Variants in TEN1 observed in about 807,000 individuals in gnomAD.
TEN1 encodes CST complex subunit TEN1.
TEN1 carries 6 observed loss-of-function variants against 9.3 expected under a neutral mutation model. The ratio of observed to expected loss-of-function variants is 0.65; its 90% CI spans 0.35 to 1.27. The LOEUF is 1.27. Ranked by LOEUF, TEN1 falls within the 50% of genes most tolerant of loss-of-function variation. The pLI, the probability that TEN1 is intolerant of heterozygous loss-of-function variation, is 0.03. For synonymous variants in TEN1, 65 were observed against 65.6 expected (o/e 0.99, Z 0.04); for missense variants, 149 against 158.2 (o/e 0.94, Z 0.31).
chr17:75,983,440 C>G (rs1020237166), intron 1 of TEN1, among the ~76,000 whole-genome samples: 1 of 152,162 alleles, frequency 6.6e-6, no homozygotes, highest in Admixed American at 6.5e-5. Flanking sequence ...CCTTTAGTCC[C>G]CTCATGTTAG....
At chr17:75,990,438 G>A (rs1239071029) in intron 2 of TEN1, among the ~76,000 whole-genome samples, 1 of 151,288 alleles carries the variant, frequency 6.6e-6, no homozygotes, top group African/African-American at 2.4e-5. Context: ...TACAAGCTAA[G>A]ACTGAAATGT....
At chr17:75,981,719 C>G (rs1270533796) in intron 1 of TEN1, among the ~76,000 whole-genome samples, 1 of 152,004 alleles carries the variant, frequency 6.6e-6, no homozygotes, top group East Asian at 1.9e-4. Flanking sequence ...TCATTTACCC[C>G]CAAAGCCAGC....
At chr17:75,993,936 T>A (rs968423816) in intron 3 of TEN1, among the ~76,000 whole-genome samples, 2 of 145,700 alleles carry the variant, frequency 1.4e-5, no homozygotes, top group Admixed American at 6.9e-5. Flanking sequence ...GCGGAGGAGG[T>A]TGCAGTGAGC....
intron 3 of TEN1, among the ~76,000 whole-genome samples, chr17:75,993,190 G>A (rs2066197606): frequency 6.8e-6 from 1 of 146,622 alleles, no homozygotes; most frequent in South Asian, 2.2e-4. Flanking sequence ...TGCAACCTCC[G>A]CCTCCCGGGT....
intron 3 of TEN1, among the ~76,000 whole-genome samples, chr17:75,994,652 A>G (rs986501879): frequency 5.3e-5 from 8 of 151,482 alleles, no homozygotes; most frequent in African/African-American, 1.9e-4. Context: ...TAAGTTTTGT[A>G]TTTTTAGTAG....
At chr17:75,993,368 GT>G (rs1470461157) in intron 3 of TEN1, among the ~76,000 whole-genome samples, 3 of 152,094 alleles carry the variant, frequency 2.0e-5, no homozygotes, top group Non-Finnish European at 1.5e-5. Flanking sequence ...CTCCCAAAGT[GT>G]TGGGATTACA....
At chr17:75,990,530 C>T (rs1320441561) in intron 2 of TEN1, among the ~76,000 whole-genome samples, 1 of 148,282 alleles carries the variant, frequency 6.7e-6, no homozygotes, top group Non-Finnish European at 1.5e-5. Context: ...GCATTTGTAG[C>T]CCATATTGAA....
chr17:75,979,294 G>A lies in TEN1; in HGVS notation c.-224G>A. 1.5e-6 allele frequency: 1 copy of A among 654,814 alleles called. No individual in the cohort carries two copies. Among genetic ancestry groups the A allele is most frequent in the Non-Finnish European group, 2.7e-6 (1 of 376,638 alleles). 40.6% of individuals were successfully genotyped at this position (654,814 alleles called of 1,614,324 possible). A position where few individuals can be genotyped will look rare whatever the true frequency, so the allele number is the denominator to read the frequency against. ...ACAGAGGGGGCGATGTCCGCGTCGT[G>A]GCTGGGGCCGGTCGCGGGGCAGACT... On this transcript the variant is annotated 5_prime_UTR_variant, in exon 1 of 4. The change creates a premature stop within an existing upstream ORF in the 5' untranslated region. Transcript: ENST00000397640.
chr17:75,981,826 G>A (rs773066607), intron 1 of TEN1, among the ~76,000 whole-genome samples: 2 of 152,018 alleles, frequency 1.3e-5, no homozygotes, highest in Non-Finnish European at 2.9e-5. Context: ...TCAGGAGATC[G>A]AGACCATCCT....
At chr17:75,992,264 T>A (rs2066190759) in intron 3 of TEN1, among the ~76,000 whole-genome samples, 1 of 151,860 alleles carries the variant, frequency 6.6e-6, no homozygotes, top group Non-Finnish European at 1.5e-5. Context: ...AAGATCTCTC[T>A]CTGTTACCCA....
intron 3 of TEN1, among the ~76,000 whole-genome samples, chr17:75,996,041 T>C (rs1042221245): frequency 2.6e-5 from 4 of 151,810 alleles, no homozygotes; most frequent in Admixed American, 6.6e-5. Flanking sequence ...CAGTGAGCTA[T>C]GATCATGCCA....
chr17:75,983,477 C>T (rs1399239448), intron 1 of TEN1, among the ~76,000 whole-genome samples: 1 of 152,106 alleles, frequency 6.6e-6, no homozygotes, highest in Non-Finnish European at 1.5e-5. Flanking sequence ...TACACTAGCC[C>T]TTCATAATTG....
At chr17:75,996,728 GAGAGAAAGAA>G (rs1253055837) in intron 3 of TEN1, among the ~76,000 whole-genome samples, 2 of 149,318 alleles carry the variant, frequency 1.3e-5, no homozygotes, top group African/African-American at 5.0e-5. Flanking sequence ...AAAAAAGAGA[GAGAGAAAGAA>G]AGAAAAAGAA....
rs545051082 is a variant in TEN1, at chr17:75,988,195, A to G, written c.92+1911A>G. Among the ~76,000 whole-genome samples, 12 of 150,218 alleles carry G rather than the reference A, an allele frequency of 8.0e-5. No homozygotes were observed. In the South Asian group the frequency reaches 1.9e-3, roughly 24 times the overall value. The stretch of plus-strand genomic sequence containing the variant: ...GCAGAGGTGGCAGTGAGCTGAGATC[A>G]TGCCATTACACTCCAGCCTGGGTGA... On this transcript the variant is annotated intron_variant, in intron 2 of 3. Coordinates refer to ENST00000397640, the MANE Select transcript of TEN1 (RefSeq NM_001113324.3).
chr17:75,984,040 C>T (rs1299648684), intron 1 of TEN1, among the ~76,000 whole-genome samples: 1 of 152,116 alleles, frequency 6.6e-6, no homozygotes, highest in Admixed American at 6.6e-5. Flanking sequence ...GGTGGTTTCT[C>T]ATTAGCTTTA....
intron 3 of TEN1, among the ~76,000 whole-genome samples, chr17:75,994,732 TCCCAAAGTGCTGGGA>T (rs1436993930): frequency 6.6e-5 from 10 of 152,048 alleles, no homozygotes; most frequent in Admixed American, 6.5e-4. Context: ...TGCCTCAGCT[TCCCAAAGTGCTGGGA>T]TTACAAGCGT....
intron 3 of TEN1, among the ~76,000 whole-genome samples, chr17:75,999,407 A>G (rs982428041): frequency 1.7e-4 from 26 of 151,860 alleles, no homozygotes; most frequent in Non-Finnish European, 2.2e-4. Context: ...CAGTGGCGTG[A>G]TCTTGGCTCA....
rs1002590245 is a variant in TEN1, at chr17:76,000,489, G to A, written c.*227G>A. ...GACAGCCCCACCCCAGGAGACTGCA[G>A]GTGGCCGAGCTTGGGCGCCGGGGCC... is the stretch of plus-strand genomic sequence containing the variant. On this transcript the variant is annotated 3_prime_UTR_variant, in exon 4 of 4. Transcript: ENST00000397640. The surrounding 1 kb of genome is among the most constrained non-coding windows in gnomAD (Gnocchi z 5.9). 1.6e-6 allele frequency: 1 copy of A among 632,052 alleles called. No individual in the cohort carries two copies. Among genetic ancestry groups the A allele is most frequent in the Non-Finnish European group, 2.5e-6 (1 of 399,232 alleles). 39.2% of individuals were successfully genotyped at this position (632,052 alleles called of 1,614,324 possible).
chr17:75,985,846 T>A (rs2066148591), intron 1 of TEN1, among the ~76,000 whole-genome samples: 2 of 150,970 alleles, frequency 1.3e-5, no homozygotes, highest in East Asian at 1.9e-4. Context: ...CTTTTTTTTT[T>A]AATACATGAA....
Sources: gnomAD v4.1 joint callset for allele counts (sites outside exome capture counted in the v4.1 genomes callset) on GRCh38, gnomAD v4.1.1 for gene constraint, Gnocchi (gnomAD v3.1) non-coding constraint, MANE v1.5 for transcripts, NCBI Gene and HGNC (gene_info 2026-07-23, HGNC 2026-07-21) for gene names.